Variants in SNTB1 observed in about 807,000 individuals in gnomAD.
SNTB1 encodes syntrophin beta 1.
Under a neutral mutation model 48.9 loss-of-function variants are expected in SNTB1, and 36 were observed. The observed-to-expected ratio is 0.74, with a 90% CI of 0.56 to 0.97. The LOEUF is 0.97. Ranked by LOEUF, SNTB1 falls within the 50% of genes least tolerant of loss-of-function variation. The pLI, the probability that SNTB1 is intolerant of heterozygous loss-of-function variation, is 0.00. For synonymous variants in SNTB1, 299 were observed against 294.6 expected (o/e 1.01, Z -0.15); for missense variants, 786 against 703.4 (o/e 1.12, Z -1.33).
At chr8:120,701,493 C>T (rs1563855633) in intron 1 of SNTB1, among the ~76,000 whole-genome samples, 1 of 152,172 alleles carries the variant, frequency 6.6e-6, no homozygotes, top group Non-Finnish European at 1.5e-5. Flanking sequence ...CCTCATCTTG[C>T]TACTTATGTC....
intron 4 of SNTB1, among the ~76,000 whole-genome samples, chr8:120,568,907 A>G (rs1298544359): frequency 6.6e-6 from 1 of 152,214 alleles, no homozygotes; most frequent in Non-Finnish European, 1.5e-5. Flanking sequence ...TGAGGGGACA[A>G]CTATTACAAC....
At chr8:120,732,180 C>T (rs756221287) in intron 1 of SNTB1, among the ~76,000 whole-genome samples, 58 of 152,134 alleles carry the variant, frequency 3.8e-4, no homozygotes, top group Non-Finnish European at 7.6e-4. Context: ...GCGGGTAAAT[C>T]GGCTACTTTT....
chr8:120,779,517 A>G (rs534695144), intron 1 of SNTB1, among the ~76,000 whole-genome samples: 20 of 141,194 alleles, frequency 1.4e-4, no homozygotes, highest in African/African-American at 6.1e-4. Context: ...AAAATGAAAT[A>G]AAATAAAATA....
chr8:120,757,432 T>C (rs1436395942), intron 1 of SNTB1, among the ~76,000 whole-genome samples: 1 of 152,120 alleles, frequency 6.6e-6, no homozygotes, highest in African/African-American at 2.4e-5. Context: ...GAATAAAAGG[T>C]AACTCAGAGA....
At chr8:120,635,937 G>T in intron 2 of SNTB1, 2 of 503,432 alleles carry the variant, frequency 4.0e-6, no homozygotes, top group South Asian at 2.2e-5. Flanking sequence ...ACCGAATCTT[G>T]ATTTTCTCCA....
At position 120,538,534 on chromosome 8, in the gene SNTB1, G is replaced by C. The variant is rs1350489403; in HGVS notation, c.*343C>G. On this transcript the variant is annotated 3_prime_UTR_variant, in exon 7 of 7. Transcript: ENST00000517992. ...GCGTACCTGGTGAACAAGTTGCCTAGGAACTGGGATGATTAAGATCTGCAC... is the reference window on the plus strand; with the variant it reads ...GCGTACCTGGTGAACAAGTTGCCTACGAACTGGGATGATTAAGATCTGCAC... 5.0e-6 allele frequency: 2 copies of C among 398,534 alleles called. No homozygotes were observed. Among genetic ancestry groups the C allele is most frequent in the Non-Finnish European group, 1.0e-5 (2 of 195,014 alleles). The allele number at this position is 398,534 out of a possible 1,614,324, so 24.7% of individuals were successfully genotyped here. A position where few individuals can be genotyped will look rare whatever the true frequency, so the allele number is the denominator to read the frequency against.
intron 2 of SNTB1, among the ~76,000 whole-genome samples, chr8:120,682,950 C>G (rs916469416): frequency 6.9e-6 from 1 of 144,850 alleles, no homozygotes; most frequent in Non-Finnish European, 1.5e-5. Flanking sequence ...GGCGCTATCT[C>G]GGCTCACTGC....
chr8:120,588,093 T>G (rs1816178189), intron 3 of SNTB1, among the ~76,000 whole-genome samples: 1 of 152,206 alleles, frequency 6.6e-6, no homozygotes, highest in African/African-American at 2.4e-5. Context: ...AATGTATGCT[T>G]CAACATCCTG....
intron 2 of SNTB1, among the ~76,000 whole-genome samples, chr8:120,634,801 G>A (rs1180090487): frequency 6.6e-6 from 1 of 151,886 alleles, no homozygotes; most frequent in Non-Finnish European, 1.5e-5. Context: ...GAAGAGAGAT[G>A]ATTTGGAAAG....
rs879888874 is a variant in SNTB1, at chr8:120,755,165, T to C, written c.571+56108A>G. Reference sequence around the variant, plus strand: ...TGTTGTGTGTGTGTGTGTGTGTGTGTGTGTGTGAGAGAGAGAGAGAGAGCG... The same window carrying C: ...TGTTGTGTGTGTGTGTGTGTGTGTGCGTGTGTGAGAGAGAGAGAGAGAGCG... On this transcript the variant is annotated intron_variant, in intron 1 of 6. Transcript: ENST00000517992. Among the ~76,000 whole-genome samples the C allele has an allele frequency of 3.8e-4, 40 of 105,620 alleles. 1 individual carries two copies. The highest frequency in any genetic ancestry group is 3.3e-4 in the South Asian group (1 of 2,988). The allele number at this position is 105,620 out of a possible 152,430, so 69.3% of individuals were successfully genotyped here.
At chr8:120,561,395 T>C (rs930820302) in intron 4 of SNTB1, among the ~76,000 whole-genome samples, 5 of 149,196 alleles carry the variant, frequency 3.4e-5, no homozygotes, top group African/African-American at 1.2e-4. Context: ...AGACTTCAGG[T>C]CATCCATGGG....
At chr8:120,786,929 T>C (rs1382794020) in intron 1 of SNTB1, among the ~76,000 whole-genome samples, 2 of 152,110 alleles carry the variant, frequency 1.3e-5, no homozygotes, top group Admixed American at 1.3e-4. Context: ...TTCAACCCAA[T>C]GAAGAAAGTA....
At chr8:120,582,156 A>G (rs1331624687) in intron 3 of SNTB1, among the ~76,000 whole-genome samples, 1 of 152,264 alleles carries the variant, frequency 6.6e-6, no homozygotes, top group African/African-American at 2.4e-5. Context: ...AGTTTCGATA[A>G]GTTTAAATGT....
chr8:120,644,095 G>C (rs776839213), intron 2 of SNTB1, among the ~76,000 whole-genome samples: 1 of 151,876 alleles, frequency 6.6e-6, no homozygotes, highest in Non-Finnish European at 1.5e-5. Flanking sequence ...TAGAGGGAGA[G>C]TTTTTGAAGC....
chr8:120,645,007 G>C (rs1817262937), intron 2 of SNTB1, among the ~76,000 whole-genome samples: 1 of 150,278 alleles, frequency 6.7e-6, no homozygotes, highest in African/African-American at 2.4e-5. Flanking sequence ...TTTTGATGGG[G>C]TTGTTTGTTT....
chr8:120,637,746 A>C (rs1817106398), intron 2 of SNTB1: 2 of 421,736 alleles, frequency 4.7e-6, no homozygotes, highest in Non-Finnish European at 9.2e-6. Flanking sequence ...AGTTCACAGC[A>C]TAAGATAAGA....
At chr8:120,641,318 C>T (rs1349957156) in intron 2 of SNTB1, among the ~76,000 whole-genome samples, 1 of 152,102 alleles carries the variant, frequency 6.6e-6, no homozygotes. Context: ...TATCAACTGG[C>T]TTTTCAAGTT....
chr8:120,664,078 C>A (rs1817636020), intron 2 of SNTB1, among the ~76,000 whole-genome samples: 2 of 151,928 alleles, frequency 1.3e-5, no homozygotes, highest in African/African-American at 2.4e-5. Flanking sequence ...CGGATGGTAC[C>A]AAAATAATTA....
chr8:120,563,751 C>G (rs1269792767), intron 4 of SNTB1, among the ~76,000 whole-genome samples: 2 of 152,138 alleles, frequency 1.3e-5, no homozygotes, highest in Admixed American at 6.5e-5. Flanking sequence ...AACGAAGCTC[C>G]CTAGCTCTGC....
Sources: allele counts gnomAD v4.1 joint callset (sites outside exome capture counted in the v4.1 genomes callset), GRCh38; gene constraint gnomAD v4.1.1; transcripts MANE v1.5; gene names NCBI Gene and HGNC (gene_info 2026-07-23, HGNC 2026-07-21).